LRMDA: variants seen among roughly 807,000 people sequenced by gnomAD.
The protein encoded by LRMDA is leucine rich melanocyte differentiation associated.
LRMDA carries 18 observed loss-of-function variants against 29.8 expected under a neutral mutation model. The observed-to-expected ratio is 0.60, with a 90% CI of 0.42 to 0.90. The LOEUF (loss-of-function observed/expected upper bound fraction) is 0.90. LRMDA is among the 40% of genes least tolerant of loss of function. The pLI is 0.00. For synonymous variants in LRMDA, 125 were observed against 109.4 expected (o/e 1.14, Z -0.89); for missense variants, 273 against 273.9 (o/e 1.00, Z 0.02).
chr10:76,156,318 A>C (rs961048997), intron 5 of LRMDA, among the ~76,000 whole-genome samples: 12 of 151,998 alleles, frequency 7.9e-5, no homozygotes, highest in Admixed American at 7.9e-4. Context: ...GCAAGCTCAC[A>C]GGTGATGAGA....
chr10:75,446,254 T>A (rs1291141790), intron 2 of LRMDA, among the ~76,000 whole-genome samples: 1 of 152,248 alleles, frequency 6.6e-6, no homozygotes, highest in African/African-American at 2.4e-5. Context: ...GTCACTCACC[T>A]GTTGGTTAAC....
Position 75,994,902 on chromosome 10 carries a change from G to T in LRMDA, c.132-41106G>T, listed in dbSNP as rs535697173. 8.5e-5 allele frequency among the ~76,000 whole-genome samples: 13 copies of T among 152,214 alleles called. No homozygotes were observed. The South Asian group carries it at 2.5e-3, about 29-fold the overall frequency. On this transcript the variant is annotated intron_variant, in intron 2 of 6. Coordinates refer to ENST00000611255, the MANE Select transcript of LRMDA (RefSeq NM_001305581.2). Reference sequence around the variant, plus strand: ...TTCTTCCTGCCACTCAACACTTCAAGGTTAGCATTTTGTAGTTTGCTCTCA... The same window carrying T: ...TTCTTCCTGCCACTCAACACTTCAATGTTAGCATTTTGTAGTTTGCTCTCA...
intron 5 of LRMDA, among the ~76,000 whole-genome samples, chr10:76,273,064 A>G (rs1022287681): frequency 3.9e-5 from 6 of 152,130 alleles, no homozygotes; most frequent in Non-Finnish European, 8.8e-5. Context: ...GTAGGCTTGC[A>G]TATGTACCTA....
chr10:75,776,921 G>A (rs1843319562), intron 2 of LRMDA, among the ~76,000 whole-genome samples: 2 of 152,314 alleles, frequency 1.3e-5, no homozygotes, highest in South Asian at 4.2e-4. Flanking sequence ...GGTTTTCAAA[G>A]CTGCAGAGAT....
chr10:75,518,500 A>T (rs1293069710), intron 2 of LRMDA, among the ~76,000 whole-genome samples: 1 of 152,216 alleles, frequency 6.6e-6, no homozygotes, highest in African/African-American at 2.4e-5. Context: ...AGGTATTTAT[A>T]GTATTCTCTG....
At chr10:76,201,195 C>T (rs1047861732) in intron 5 of LRMDA, among the ~76,000 whole-genome samples, 27 of 151,872 alleles carry the variant, frequency 1.8e-4, no homozygotes, top group Admixed American at 2.0e-4. Context: ...CTCCTGGGTA[C>T]AAGCGATTCT....
chr10:75,571,595 T>G (rs543604647), intron 2 of LRMDA, among the ~76,000 whole-genome samples: 1 of 152,232 alleles, frequency 6.6e-6, no homozygotes, highest in African/African-American at 2.4e-5. Context: ...GGTTTAGTCA[T>G]GGGCACGTAA....
Position 76,219,027 on chromosome 10 carries a change from C to A in LRMDA, c.517-105374C>A, listed in dbSNP as rs146111276. On this transcript the variant is annotated intron_variant, in intron 5 of 6. Transcript: ENST00000611255. ...TTGGGAGGAACTATGAGTGCAAGAG[C>A]CTTTCATGATTGCCCAAAGGCACTG... Among the ~76,000 whole-genome samples, 473 of 152,230 alleles carry A rather than the reference C, an allele frequency of 3.1e-3. 4 individuals carry two copies. Among genetic ancestry groups the A allele is most frequent in the African/African-American group, 0.011 (450 of 41,526 alleles).
chr10:75,742,655 G>T (rs1390371496), intron 2 of LRMDA: 2 of 152,192 alleles, frequency 1.3e-5, no homozygotes, highest in East Asian at 3.8e-4. Context: ...CTTTGCCAAG[G>T]GCCCTCTGCT....
chr10:76,304,541 G>A (rs1840526125), intron 5 of LRMDA, among the ~76,000 whole-genome samples: 1 of 152,166 alleles, frequency 6.6e-6, no homozygotes, highest in South Asian at 2.1e-4. Context: ...TGTTTGCAGG[G>A]GTTGGGGTAT....
chr10:75,438,987 G>A (rs1045729904), intron 2 of LRMDA, among the ~76,000 whole-genome samples: 4 of 152,144 alleles, frequency 2.6e-5, no homozygotes, highest in African/African-American at 9.7e-5. Context: ...TTAAATATTT[G>A]TGATGATAAT....
intron 2 of LRMDA, among the ~76,000 whole-genome samples, chr10:75,691,721 G>A (rs1245027979): frequency 1.3e-5 from 2 of 152,160 alleles, no homozygotes; most frequent in Non-Finnish European, 2.9e-5. Context: ...GCTTTCAGCT[G>A]TAATGACAAG....
chr10:76,536,803 C>G (rs1843296363), intron 6 of LRMDA, among the ~76,000 whole-genome samples: 1 of 152,126 alleles, frequency 6.6e-6, no homozygotes, highest in African/African-American at 2.4e-5. Flanking sequence ...CTATGTTCCC[C>G]TTTATAATTA....
intron 5 of LRMDA, among the ~76,000 whole-genome samples, chr10:76,162,476 G>A (rs1850664583): frequency 6.6e-6 from 1 of 152,160 alleles, no homozygotes; most frequent in Non-Finnish European, 1.5e-5. Flanking sequence ...TCACAGTCCT[G>A]CAGCCTGTAC....
chr10:75,621,081 T>A (rs1841176267), intron 2 of LRMDA, among the ~76,000 whole-genome samples: 1 of 152,186 alleles, frequency 6.6e-6, no homozygotes, highest in South Asian at 2.1e-4. Flanking sequence ...AGTGAGAACA[T>A]ACGATGTTTG....
intron 6 of LRMDA, among the ~76,000 whole-genome samples, chr10:76,491,570 G>A (rs1268983541): frequency 6.6e-6 from 1 of 151,926 alleles, no homozygotes; most frequent in Non-Finnish European, 1.5e-5. Context: ...TCCATGGTGT[G>A]TTATTTTTTT....
intron 2 of LRMDA, among the ~76,000 whole-genome samples, chr10:75,502,009 T>C (rs1173137094): frequency 6.6e-6 from 1 of 151,782 alleles, no homozygotes; most frequent in Non-Finnish European, 1.5e-5. Flanking sequence ...TGCAGGGAGG[T>C]CAGGAGGGGA....
intron 2 of LRMDA, among the ~76,000 whole-genome samples, chr10:75,925,106 G>A (rs576493664): frequency 1.6e-4 from 25 of 152,286 alleles, no homozygotes; most frequent in East Asian, 5.8e-4. Context: ...ATACCAAGTC[G>A]TCCTGGGACT....
chr10:75,672,867 C>A (rs1307968309), intron 2 of LRMDA, among the ~76,000 whole-genome samples: 2 of 151,566 alleles, frequency 1.3e-5, no homozygotes, highest in Non-Finnish European at 2.9e-5. Flanking sequence ...CCACTGCGCC[C>A]AACCCTTTGT....
Sources: gnomAD v4.1 joint callset for allele counts (sites outside exome capture counted in the v4.1 genomes callset) on GRCh38, gnomAD v4.1.1 for gene constraint, MANE v1.5 for transcripts, NCBI Gene and HGNC (gene_info 2026-07-23, HGNC 2026-07-21) for gene names.